The following HSD17B11 variants were observed in gnomAD, a reference collection of about 807,000 sequenced individuals.
HSD17B11 encodes the protein hydroxysteroid 17-beta dehydrogenase 11.
Under a neutral mutation model 27.8 loss-of-function variants are expected in HSD17B11, and 22 were observed. The observed-to-expected ratio is 0.79, with a 90% CI of 0.56 to 1.13. HSD17B11 has a LOEUF of 1.13. Ranked by LOEUF, HSD17B11 falls within the 50% of genes most tolerant of loss-of-function variation. HSD17B11 has a pLI of 0.00. For synonymous variants in HSD17B11, 117 were observed against 132.8 expected (o/e 0.88, Z 0.82); for missense variants, 314 against 351.1 (o/e 0.89, Z 0.84).
rs527693092 is a variant in HSD17B11 at position 87,371,960 on chromosome 4, C to T, written c.557+749G>A. Among the ~76,000 whole-genome samples the T allele has an allele frequency of 3.2e-4, 48 of 151,920 alleles. 1 individual carries two copies. The Middle Eastern group carries it at 0.01, about 33-fold the overall frequency. On this transcript the variant is annotated intron_variant, in intron 4 of 6. Coordinates refer to ENST00000358290, the MANE Select transcript of HSD17B11 (RefSeq NM_016245.5). ...GTGTGGTTTCTTAAAAGCCACTTCT[C>T]GGCTGGGCGAGGTGGCTTACACCTG...
intron 2 of HSD17B11, among the ~76,000 whole-genome samples, chr4:87,380,619 G>A (rs1720128510): frequency 6.6e-6 from 1 of 151,486 alleles, no homozygotes; most frequent in South Asian, 2.1e-4. Context: ...AGCACTTTTG[G>A]AGGCCGAGGG....
intron 4 of HSD17B11, among the ~76,000 whole-genome samples, chr4:87,368,739 C>T (rs556700732): frequency 3.7e-4 from 57 of 152,258 alleles, no homozygotes; most frequent in Non-Finnish European, 6.8e-4. Context: ...TGGCCAAAAC[C>T]CATTAAAACC....
intron 1 of HSD17B11, chr4:87,385,683 AGGT>A (rs558143353): frequency 7.9e-4 from 121 of 152,280 alleles, no homozygotes; most frequent in African/African-American, 2.9e-3. Flanking sequence ...TGGGAGGCTG[AGGT>A]GGGCAGATCA....
chr4:87,370,774 A>T, intron 4 of HSD17B11, among the ~76,000 whole-genome samples: 2 of 84,750 alleles, frequency 2.4e-5, no homozygotes, highest in Non-Finnish European at 2.2e-5. Context: ...TTTTTTTGAG[A>T]CGGAGTCTCG....
intron 1 of HSD17B11, among the ~76,000 whole-genome samples, chr4:87,390,019 G>C (rs1318618610): frequency 2.6e-5 from 4 of 152,060 alleles, no homozygotes; most frequent in Non-Finnish European, 2.9e-5. Flanking sequence ...GAGTGCAGTG[G>C]GGCGTTTACA....
intron 5 of HSD17B11, among the ~76,000 whole-genome samples, chr4:87,352,842 G>A (rs1735310385): frequency 2.4e-5 from 1 of 41,682 alleles, no homozygotes; most frequent in Non-Finnish European, 4.4e-5. Flanking sequence ...TTCTTAAGCC[G>A]GTCTGAAAAG....
At chr4:87,340,653 T>A (rs760015088) in intron 5 of HSD17B11, 47 bp from the exon 6 acceptor site, 1 of 1,298,106 alleles carries the variant, frequency 7.7e-7, no homozygotes, top group South Asian at 1.2e-5. Context: ...CACCGAGGCT[T>A]CAGCTTTAGT....
chr4:87,347,363 G>A (rs1735294587), intron 5 of HSD17B11, among the ~76,000 whole-genome samples: 1 of 34,386 alleles, frequency 2.9e-5, no homozygotes, highest in South Asian at 7.8e-4. Flanking sequence ...CTATGAGTGA[G>A]AATATGCGGT....
chr4:87,379,816 G>A (rs1486858776), intron 2 of HSD17B11, among the ~76,000 whole-genome samples: 1 of 141,250 alleles, frequency 7.1e-6, no homozygotes, highest in African/African-American at 2.6e-5. Flanking sequence ...TAGTATTATA[G>A]TATTAATAGT....
intron 5 of HSD17B11, among the ~76,000 whole-genome samples, chr4:87,356,268 C>T (rs1310868236): frequency 2.6e-5 from 4 of 152,300 alleles, no homozygotes; most frequent in African/African-American, 9.6e-5. Context: ...CTTTATGAAT[C>T]TACCTGAGGG....
At chr4:87,368,124 T>C (rs1735642316) in intron 4 of HSD17B11, among the ~76,000 whole-genome samples, 1 of 152,172 alleles carries the variant, frequency 6.6e-6, no homozygotes, top group Admixed American at 6.6e-5. Context: ...AAGACCATCC[T>C]GGCTAACATG....
chr4:87,353,715 C>T (rs1735327788), intron 5 of HSD17B11, among the ~76,000 whole-genome samples: 1 of 150,996 alleles, frequency 6.6e-6, no homozygotes, highest in Non-Finnish European at 1.5e-5. Context: ...TTAAGGTCAG[C>T]TCTGTGCGGC....
intron 2 of HSD17B11, among the ~76,000 whole-genome samples, chr4:87,376,556 G>GAAAAAT (rs1735830055): frequency 7.1e-6 from 1 of 141,386 alleles, no homozygotes; most frequent in Admixed American, 7.2e-5. Context: ...CCAAAATATA[G>GAAAAAT]AAATATGAGG....
At chr4:87,369,692 C>T (rs750259786) in intron 4 of HSD17B11, among the ~76,000 whole-genome samples, 2 of 152,184 alleles carry the variant, frequency 1.3e-5, no homozygotes, top group Non-Finnish European at 2.9e-5. Flanking sequence ...GCCTTGGCCT[C>T]CCAAAGCCTG....
At chr4:87,346,429 G>A (rs1416610260) in intron 5 of HSD17B11, among the ~76,000 whole-genome samples, 2 of 152,094 alleles carry the variant, frequency 1.3e-5, no homozygotes, top group South Asian at 2.1e-4. Context: ...CAGGCGGATC[G>A]CTTGAGGTCA....
At chr4:87,365,624 T>C (rs1578040111) in intron 4 of HSD17B11, among the ~76,000 whole-genome samples, 2 of 152,318 alleles carry the variant, frequency 1.3e-5, no homozygotes, top group Admixed American at 6.5e-5. Context: ...TAAAATCCCT[T>C]ACTTAACCAA....
intron 1 of HSD17B11, 50 bp from the exon 2 acceptor site, chr4:87,382,412 A>C: frequency 9.6e-7 from 1 of 1,045,950 alleles, no homozygotes; most frequent in Non-Finnish European, 1.5e-6. Flanking sequence ...TGAACATATT[A>C]TATCGACAGC....
intron 4 of HSD17B11, chr4:87,366,045 A>C (rs1365868614): frequency 6.6e-6 from 1 of 152,118 alleles, no homozygotes; most frequent in Non-Finnish European, 1.5e-5. Context: ...TAGTAGAGAC[A>C]GGGTTTCTCC....
At chr4:87,370,660 G>T (rs984532080) in intron 4 of HSD17B11, among the ~76,000 whole-genome samples, 1 of 150,626 alleles carries the variant, frequency 6.6e-6, no homozygotes, top group African/African-American at 2.4e-5. Flanking sequence ...CTCGTGATCC[G>T]CTTGCCTCGG....
Sources: gnomAD v4.1 joint callset for allele counts (sites outside exome capture counted in the v4.1 genomes callset) on GRCh38, gnomAD v4.1.1 for gene constraint, MANE v1.5 for transcripts, NCBI Gene and HGNC (gene_info 2026-07-23, HGNC 2026-07-21) for gene names.